The following NKAIN3 variants were observed in gnomAD, a reference collection of about 807,000 sequenced individuals.
NKAIN3 encodes sodium/potassium-transporting ATPase subunit beta-1-interacting protein 3.
A neutral mutation model predicts 30.2 loss-of-function variants in NKAIN3; 25 were observed. The ratio of observed to expected loss-of-function variants is 0.83; its 90% CI spans 0.60 to 1.16. The LOEUF is 1.16. Ranked by LOEUF, NKAIN3 falls within the 50% of genes most tolerant of loss-of-function variation. NKAIN3 has a pLI of 0.00. For missense variants in NKAIN3, 225 were observed against 254.1 expected, an observed-to-expected ratio of 0.89 and a Z score of 0.78; for synonymous variants, 91 against 89.6, an observed-to-expected ratio of 1.02 and a Z score of -0.09.
intron 1 of NKAIN3, among the ~76,000 whole-genome samples, chr8:62,328,396 G>A (rs1261048119): frequency 1.3e-5 from 2 of 152,040 alleles, no homozygotes; most frequent in Non-Finnish European, 2.9e-5. Context: ...CTTAAATGTT[G>A]TAAAATACCT....
At position 62,430,172 on chromosome 8, in the gene NKAIN3, T is replaced by A. The variant is rs1359817391; in HGVS notation, c.55-149367T>A. 2.0e-5 allele frequency among the ~76,000 whole-genome samples: 3 copies of A among 151,968 alleles called. No homozygotes were observed. In the East Asian group the frequency reaches 5.8e-4, roughly 29 times the overall value. ...AAGCTCATCCATGCTGTAGCATGTA[T>A]CAGAATTTCTTCCCCCTTTTAAGGC... is the stretch of plus-strand genomic sequence containing the variant. On this transcript the variant is annotated intron_variant, in intron 1 of 6. Transcript: ENST00000623646.
At chr8:62,347,338 A>G (rs534471215) in intron 1 of NKAIN3, among the ~76,000 whole-genome samples, 1 of 152,268 alleles carries the variant, frequency 6.6e-6, no homozygotes, top group South Asian at 2.1e-4. Flanking sequence ...TGCAGTAGAG[A>G]GAAAAAGGAG....
chr8:62,886,205 C>G (rs570032536), intron 4 of NKAIN3, among the ~76,000 whole-genome samples: 17 of 151,774 alleles, frequency 1.1e-4, no homozygotes, highest in Non-Finnish European at 2.2e-4. Context: ...TATACATTCA[C>G]AACAATTTCA....
intron 1 of NKAIN3, among the ~76,000 whole-genome samples, chr8:62,298,038 T>C (rs984789405): frequency 2.6e-5 from 4 of 151,740 alleles, no homozygotes; most frequent in South Asian, 4.2e-4. Context: ...ATGGATGAAA[T>C]TGGAAATCAT....
chr8:62,380,749 C>T (rs1175717535), intron 1 of NKAIN3, among the ~76,000 whole-genome samples: 1 of 152,138 alleles, frequency 6.6e-6, no homozygotes, highest in South Asian at 2.1e-4. Flanking sequence ...AAAGGAAAAG[C>T]TCTCAAATTA....
chr8:62,797,719 C>T (rs1290703975), intron 4 of NKAIN3, among the ~76,000 whole-genome samples: 1 of 152,140 alleles, frequency 6.6e-6, no homozygotes, highest in African/African-American at 2.4e-5. Flanking sequence ...GCCCCAGAAA[C>T]TCATGCTGAA....
intron 1 of NKAIN3, among the ~76,000 whole-genome samples, chr8:62,428,098 G>C (rs553638988): frequency 1.3e-5 from 2 of 151,924 alleles, no homozygotes; most frequent in Admixed American, 1.3e-4. Flanking sequence ...TGCAATATTT[G>C]TCTTTCTGTG....
intron 1 of NKAIN3, among the ~76,000 whole-genome samples, chr8:62,289,005 T>C (rs528042631): frequency 2.0e-4 from 30 of 152,340 alleles, no homozygotes; most frequent in African/African-American, 7.0e-4. Context: ...ATGATGAGCA[T>C]TTTTTTATGT....
chr8:62,303,552 A>G (rs1176680812), intron 1 of NKAIN3, among the ~76,000 whole-genome samples: 1 of 150,594 alleles, frequency 6.6e-6, no homozygotes, highest in East Asian at 1.9e-4. Flanking sequence ...CATAATTTAG[A>G]AGCTATGAGA....
At chr8:62,644,110 C>T (rs1469888769) in intron 3 of NKAIN3, among the ~76,000 whole-genome samples, 1 of 152,074 alleles carries the variant, frequency 6.6e-6, no homozygotes, top group African/African-American at 2.4e-5. Flanking sequence ...CCACTTCAGG[C>T]TGCTGGGGTC....
At chr8:62,822,381 T>C (rs1377230167) in intron 4 of NKAIN3, among the ~76,000 whole-genome samples, 3 of 152,148 alleles carry the variant, frequency 2.0e-5, no homozygotes, top group Admixed American at 1.3e-4. Context: ...AGGTAAATTA[T>C]GTACTAATCA....
intron 1 of NKAIN3, among the ~76,000 whole-genome samples, chr8:62,427,792 G>T (rs1585797196): frequency 2.0e-5 from 3 of 151,574 alleles, no homozygotes; most frequent in African/African-American, 7.3e-5. Context: ...ATCAAATCTG[G>T]GTAATTGTAA....
intron 3 of NKAIN3, among the ~76,000 whole-genome samples, chr8:62,633,599 G>A (rs1026478360): frequency 6.6e-6 from 1 of 152,198 alleles, no homozygotes; most frequent in Non-Finnish European, 1.5e-5. Context: ...ATAGTGAGCT[G>A]GAGGGCAGTC....
chr8:62,962,713 G>T (rs746434076), intron 6 of NKAIN3, among the ~76,000 whole-genome samples: 3 of 152,144 alleles, frequency 2.0e-5, no homozygotes, highest in African/African-American at 4.8e-5. Flanking sequence ...AGTTAGAGAC[G>T]CATGGAGATA....
chr8:62,596,517 C>T (rs1027850224), intron 3 of NKAIN3, among the ~76,000 whole-genome samples: 16 of 152,062 alleles, frequency 1.1e-4, no homozygotes, highest in Non-Finnish European at 1.6e-4. Context: ...CCCTTTCTCT[C>T]CATATTGCTG....
At chr8:62,683,807 T>A (rs1363409552) in intron 3 of NKAIN3, among the ~76,000 whole-genome samples, 1 of 152,116 alleles carries the variant, frequency 6.6e-6, no homozygotes, top group Non-Finnish European at 1.5e-5. Flanking sequence ...TGCCCACATA[T>A]TGGCAAAAAT....
chr8:62,669,592 C>CA (rs201247817), intron 3 of NKAIN3, among the ~76,000 whole-genome samples: 1,581 of 151,848 alleles, frequency 0.01, 12 homozygotes, highest in Non-Finnish European at 0.016. Flanking sequence ...CATGACTACA[C>CA]AAAAAAAACA....
At chr8:62,477,733 T>G (rs941207671) in intron 1 of NKAIN3, among the ~76,000 whole-genome samples, 1 of 151,978 alleles carries the variant, frequency 6.6e-6, no homozygotes, top group African/African-American at 2.4e-5. Flanking sequence ...TAGTCATGAT[T>G]CCGTCAAGAT....
chr8:62,744,585 C>A (rs1348675522), intron 3 of NKAIN3, among the ~76,000 whole-genome samples: 1 of 152,152 alleles, frequency 6.6e-6, no homozygotes, highest in Non-Finnish European at 1.5e-5. Context: ...CTGGTGAATT[C>A]TATTAAGATG....
Sources: allele counts gnomAD v4.1 joint callset (sites outside exome capture counted in the v4.1 genomes callset), GRCh38; gene constraint gnomAD v4.1.1; transcripts MANE v1.5; gene names NCBI Gene and HGNC (gene_info 2026-07-23, HGNC 2026-07-21).